ST6GALNAC3: variants seen among roughly 807,000 people sequenced by gnomAD.
ST6GALNAC3 encodes the protein alpha-N-acetylgalactosaminide alpha-2,6-sialyltransferase 3.
In ST6GALNAC3, 25 loss-of-function variants were observed where a neutral mutation model predicts 32.7. That is an observed-to-expected ratio of 0.76 (90% CI 0.56 to 1.07). The LOEUF is 1.07. ST6GALNAC3 is among the 50% of genes least tolerant of loss of function. The pLI, the probability that ST6GALNAC3 is intolerant of heterozygous loss-of-function variation, is 0.00. For missense variants in ST6GALNAC3, 355 were observed against 382.4 expected (o/e 0.93, Z 0.60); for synonymous variants, 129 against 133.1 (o/e 0.97, Z 0.21).
At chr1:76,166,373 A>G (rs534294586) in intron 1 of ST6GALNAC3, among the ~76,000 whole-genome samples, 1 of 152,012 alleles carries the variant, frequency 6.6e-6, no homozygotes, top group East Asian at 1.9e-4. Flanking sequence ...CTCTTTTTGT[A>G]CCAGTACTAT....
At chr1:76,307,827 G>T in intron 1 of ST6GALNAC3, 1 of 478,108 alleles carries the variant, frequency 2.1e-6, no homozygotes. Flanking sequence ...TGCTAGGTCC[G>T]GATCTTTGCA....
intron 2 of ST6GALNAC3, among the ~76,000 whole-genome samples, chr1:76,406,126 GT>G (rs1298531489): frequency 6.6e-6 from 1 of 152,010 alleles, no homozygotes; most frequent in African/African-American, 2.4e-5. Flanking sequence ...TGTGAACATA[GT>G]ACCCCAGTCA....
chr1:76,164,313 A>C (rs200558494), intron 1 of ST6GALNAC3, among the ~76,000 whole-genome samples: 1 of 152,074 alleles, frequency 6.6e-6, no homozygotes, highest in African/African-American at 2.4e-5. Flanking sequence ...CAGATCATGT[A>C]AGTCAGTCTT....
At position 76,553,610 on chromosome 1, in the gene ST6GALNAC3, T is replaced by C. The variant is rs956912090; in HGVS notation, c.624-73842T>C. Among the ~76,000 whole-genome samples the C allele has an allele frequency of 5.9e-5, 9 of 152,338 alleles. No individual in the cohort carries two copies. In the East Asian group the frequency reaches 1.7e-3, roughly 29 times the overall value. On this transcript the variant is annotated intron_variant, in intron 3 of 4. Coordinates refer to ENST00000328299, the MANE Select transcript of ST6GALNAC3 (RefSeq NM_152996.4). ...TCTTAGGAGTTGTCCTGTGTGGCAC[T>C]GATGATACCTGGTGATGGAAAATGT...
intron 3 of ST6GALNAC3, among the ~76,000 whole-genome samples, chr1:76,499,402 G>A (rs1661049112): frequency 6.6e-6 from 1 of 152,274 alleles, no homozygotes; most frequent in Non-Finnish European, 1.5e-5. Context: ...AAACCACACA[G>A]AGTCCAAATC....
At chr1:76,202,585 A>G (rs890076659) in intron 1 of ST6GALNAC3, among the ~76,000 whole-genome samples, 20 of 152,252 alleles carry the variant, frequency 1.3e-4, no homozygotes, top group Middle Eastern at 3.4e-3. Flanking sequence ...TGGAAAGGGA[A>G]GTAGAGATGA....
intron 1 of ST6GALNAC3, among the ~76,000 whole-genome samples, chr1:76,116,351 A>G (rs1349428022): frequency 6.6e-6 from 1 of 152,130 alleles, no homozygotes; most frequent in Non-Finnish European, 1.5e-5. Flanking sequence ...TGTAGGGGAC[A>G]CACATTATTT....
intron 1 of ST6GALNAC3, among the ~76,000 whole-genome samples, chr1:76,108,861 AGTGTGTGTGTGTGTGTGTGTGT>A (rs10528375): frequency 0.25 from 38,013 of 149,850 alleles, 5,404 homozygotes; most frequent in African/African-American, 0.4. Context: ...CTGTAGACAT[AGTGTGTGTGTGTGTGTGTGTGT>A]GTGTGTGTGT....
intron 3 of ST6GALNAC3, among the ~76,000 whole-genome samples, chr1:76,547,592 C>G (rs1019350388): frequency 6.6e-6 from 1 of 152,114 alleles, no homozygotes; most frequent in Non-Finnish European, 1.5e-5. Flanking sequence ...GTGGACTTCA[C>G]TTTTAAATGA....
chr1:76,089,258 A>G (rs964809082), intron 1 of ST6GALNAC3, among the ~76,000 whole-genome samples: 3 of 152,084 alleles, frequency 2.0e-5, no homozygotes, highest in African/African-American at 7.2e-5. Context: ...TCACTGTGTT[A>G]GCCAGGATGA....
At chr1:76,462,233 G>A (rs1339084737) in intron 3 of ST6GALNAC3, among the ~76,000 whole-genome samples, 2 of 136,432 alleles carry the variant, frequency 1.5e-5, no homozygotes, top group African/African-American at 3.2e-5. Context: ...TGGAATTAAT[G>A]GTAAAAAAAA....
In ST6GALNAC3 at chr1:76,200,581, T is replaced by A. The variant is rs926103382; in HGVS notation, c.19-113224T>A. ...TAGATGGTGGCTACCATGCTATGTG[T>A]ATATTCTTAAAACAAGCCCTTGTAC... On this transcript the variant is annotated intron_variant, in intron 1 of 4. Transcript: ENST00000328299. 2.6e-5 allele frequency among the ~76,000 whole-genome samples: 4 copies of A among 152,230 alleles called. No individual in the cohort carries two copies. In the South Asian group the frequency reaches 8.3e-4, roughly 32 times the overall value.
intron 1 of ST6GALNAC3, among the ~76,000 whole-genome samples, chr1:76,111,838 CTT>C (rs1382717746): frequency 6.6e-6 from 1 of 151,860 alleles, no homozygotes; most frequent in African/African-American, 2.4e-5. Context: ...ATGTCTACCT[CTT>C]TCTACACAGA....
rs1263815911 is a variant in ST6GALNAC3, at chr1:76,153,085, C to T, written c.18+78201C>T. On this transcript the variant is annotated intron_variant, in intron 1 of 4. Coordinates refer to ENST00000328299, the MANE Select transcript of ST6GALNAC3 (RefSeq NM_152996.4). The stretch of plus-strand genomic sequence containing the variant: ...CAGAAGTGGGAAGACCATTTTTGCT[C>T]CTTTTAATAGTGGTGTCTGGTGTCT... Among the ~76,000 whole-genome samples the T allele has an allele frequency of 3.3e-5, 5 of 152,112 alleles. No individual in the cohort carries two copies. The South Asian group carries it at 1.0e-3, about 32-fold the overall frequency.
chr1:76,521,322 C>T (rs930652883), intron 3 of ST6GALNAC3, among the ~76,000 whole-genome samples: 3 of 151,550 alleles, frequency 2.0e-5, no homozygotes, highest in African/African-American at 7.3e-5. Context: ...CGCGTACATA[C>T]ATGCATATAC....
chr1:76,483,890 A>G (rs1659911368), intron 3 of ST6GALNAC3, among the ~76,000 whole-genome samples: 1 of 152,168 alleles, frequency 6.6e-6, no homozygotes, highest in Admixed American at 6.5e-5. Flanking sequence ...TCTTGAATTA[A>G]TTTTTGTATA....
chr1:76,309,953 G>C (rs1313492396), intron 1 of ST6GALNAC3: 1 of 489,352 alleles, frequency 2.0e-6, no homozygotes. Context: ...TCTCAAAATG[G>C]TTGACTTATT....
At chr1:76,591,831 A>G (rs915170120) in intron 3 of ST6GALNAC3, among the ~76,000 whole-genome samples, 1 of 152,190 alleles carries the variant, frequency 6.6e-6, no homozygotes, top group Non-Finnish European at 1.5e-5. Context: ...CCAGAAGAAC[A>G]TGTACTAGGG....
intron 1 of ST6GALNAC3, among the ~76,000 whole-genome samples, chr1:76,296,945 A>G (rs895168626): frequency 4.2e-4 from 64 of 152,014 alleles, no homozygotes; most frequent in Non-Finnish European, 8.8e-5. Flanking sequence ...TTTAGCCCTC[A>G]TATTTTCTTG....
Sources: allele counts gnomAD v4.1 joint callset (sites outside exome capture counted in the v4.1 genomes callset), GRCh38; gene constraint gnomAD v4.1.1; transcripts MANE v1.5; gene names NCBI Gene and HGNC (gene_info 2026-07-23, HGNC 2026-07-21).